KCNJ15: variants seen among roughly 807,000 people sequenced by gnomAD.
KCNJ15 encodes the protein potassium inwardly rectifying channel subfamily J member 15.
In KCNJ15, 14 loss-of-function variants were observed where a neutral mutation model predicts 23.0. The observed-to-expected ratio is 0.61, with a 90% CI of 0.40 to 0.95. The LOEUF is 0.95. Ranked by LOEUF, KCNJ15 falls within the 40% of genes least tolerant of loss-of-function variation. The pLI is 0.00. For synonymous variants in KCNJ15, 185 were observed against 183.2 expected (o/e 1.01, Z -0.08); for missense variants, 388 against 461.8 (o/e 0.84, Z 1.46).
chr21:38,297,508 G>A (rs1985283815), intron 2 of KCNJ15, among the ~76,000 whole-genome samples: 1 of 152,216 alleles, frequency 6.6e-6, no homozygotes, highest in Non-Finnish European at 1.5e-5. Context: ...TAAAAAAAAT[G>A]CATGCAGTCA....
At chr21:38,271,292 T>A (rs992733648) in intron 1 of KCNJ15, among the ~76,000 whole-genome samples, 7 of 152,284 alleles carry the variant, frequency 4.6e-5, no homozygotes, top group African/African-American at 1.7e-4. Context: ...AAACTGAAGC[T>A]CGGAGGGGCT....
At position 38,246,819 on chromosome 21, in the gene KCNJ15, C is replaced by T. The variant is rs543765956; in HGVS notation, c.-398-10227C>T. On this transcript the variant is annotated intron_variant, in intron 1 of 4. Coordinates refer to the KCNJ15 transcript ENST00000547341. ...TCTATCAGACTGGTAATACCAATCT[C>T]ACTCTGCAAATTTAACATCAGGGAT... Among the ~76,000 whole-genome samples the T allele has an allele frequency of 1.2e-4, 18 of 152,302 alleles. 1 individual carries two copies. The South Asian group carries it at 3.7e-3, about 32-fold the overall frequency.
chr21:38,252,280 GC>G (rs896551810), upstream of KCNJ15, among the ~76,000 whole-genome samples: 4 of 152,124 alleles, frequency 2.6e-5, no homozygotes, highest in Non-Finnish European at 4.4e-5. Context: ...AATCTTGTGG[GC>G]TGCACTCAAT....
intron 1 of KCNJ15, among the ~76,000 whole-genome samples, chr21:38,294,060 C>G (rs905258718): frequency 6.6e-5 from 10 of 152,200 alleles, no homozygotes; most frequent in African/African-American, 2.4e-4. Flanking sequence ...AGAGCTAAGC[C>G]TTTATTCTCA....
chr21:38,264,972 G>C (rs1284802116), intron 1 of KCNJ15, among the ~76,000 whole-genome samples: 3 of 152,232 alleles, frequency 2.0e-5, no homozygotes, highest in Non-Finnish European at 4.4e-5. Context: ...GTGTGGGCTG[G>C]AAGTCTGATT....
At position 38,299,162 on chromosome 21, in the gene KCNJ15, T is replaced by A; in HGVS notation, c.-18-82T>A. ...TCTTGTGTACTTCCATGTACATTCATACTTACTTCACATGATGATTCTATT... is the reference window on the plus strand; with the variant it reads ...TCTTGTGTACTTCCATGTACATTCAAACTTACTTCACATGATGATTCTATT... On this transcript the variant is annotated intron_variant, in intron 2 of 2. Transcript: ENST00000398938. This position sits in a 1 kb window ranked among gnomAD's most constrained non-coding sequence, Gnocchi z 4.5. The A allele has an allele frequency of 1.9e-6, 2 of 1,060,998 alleles. No homozygotes were observed. The highest frequency in any genetic ancestry group is 2.8e-6 in the Non-Finnish European group (2 of 717,088). 65.7% of individuals were successfully genotyped at this position (1,060,998 alleles called of 1,614,324 possible). A position where few individuals can be genotyped will look rare whatever the true frequency, so the allele number is the denominator to read the frequency against.
chr21:38,231,572 G>A (rs1193207045), intron 1 of KCNJ15, among the ~76,000 whole-genome samples: 1 of 151,852 alleles, frequency 6.6e-6, no homozygotes, highest in Non-Finnish European at 1.5e-5. Flanking sequence ...TATGAGCTGA[G>A]ATTTTGTATT....
chr21:38,268,270 C>T (rs1453982180), intron 1 of KCNJ15, among the ~76,000 whole-genome samples: 1 of 152,036 alleles, frequency 6.6e-6, no homozygotes, highest in Non-Finnish European at 1.5e-5. Context: ...CAGTTTTCTT[C>T]AGAACAATCG....
intron 1 of KCNJ15, among the ~76,000 whole-genome samples, chr21:38,231,337 A>G (rs1988735947): frequency 1.3e-5 from 2 of 151,992 alleles, no homozygotes; most frequent in East Asian, 1.9e-4. Flanking sequence ...CTAATTATTA[A>G]TAGTAGATTA....
At chr21:38,254,505 G>A (rs1318105620), upstream of KCNJ15, among the ~76,000 whole-genome samples, 2 of 152,164 alleles carry the variant, frequency 1.3e-5, no homozygotes, top group South Asian at 2.1e-4. Context: ...GCTCCACTGT[G>A]TATGGTCCTG....
intron 1 of KCNJ15, among the ~76,000 whole-genome samples, chr21:38,274,167 T>C (rs544682454): frequency 4.6e-5 from 7 of 152,340 alleles, no homozygotes; most frequent in East Asian, 1.9e-4. Flanking sequence ...GGCAAAGTCA[T>C]GTTAGGTGTA....
intron 1 of KCNJ15, among the ~76,000 whole-genome samples, chr21:38,234,731 C>T (rs571530708): frequency 2.0e-5 from 3 of 152,222 alleles, no homozygotes; most frequent in African/African-American, 4.8e-5. Context: ...CTTATATAAA[C>T]ACTTCAACAA....
intron 1 of KCNJ15, among the ~76,000 whole-genome samples, chr21:38,243,115 A>G (rs1363958270): frequency 1.3e-5 from 2 of 152,074 alleles, no homozygotes; most frequent in Admixed American, 6.5e-5. Flanking sequence ...CCACGTTTTT[A>G]GAAAGTTAAG....
chr21:38,243,435 G>A (rs147642294), intron 1 of KCNJ15, among the ~76,000 whole-genome samples: 5 of 144,098 alleles, frequency 3.5e-5, no homozygotes, highest in African/African-American at 1.4e-4. Flanking sequence ...TGAGTTTCGC[G>A]GCCATACTTT....
At chr21:38,292,305 G>A (rs894036361) in intron 1 of KCNJ15, among the ~76,000 whole-genome samples, 5 of 152,158 alleles carry the variant, frequency 3.3e-5, no homozygotes, top group African/African-American at 1.2e-4. Flanking sequence ...AAAAGTGCCT[G>A]GACCCTTTTA....
Position 38,299,955 on chromosome 21 carries a change from C to G in KCNJ15, c.694C>G (p.Gln232Glu). ...TKEGERILLN[Q>E]ATVKFHVDSS... is the part of the protein sequence containing the mutation. ...GGAGGGGGAGCGGATTCTCCTCAAC[C>G]AAGCCACTGTCAAATTCCACGTGGA... The change falls in exon 3 of 3, where the codon CAA becomes GAA. Residue 232 changes from glutamine to glutamate, a missense_variant. By Grantham distance (29) the Gln-to-Glu change is conservative. Coordinates refer to ENST00000398938, the MANE Select transcript of KCNJ15 (RefSeq NM_170736.3). This position sits in a 1 kb window ranked among gnomAD's most constrained non-coding sequence, Gnocchi z 4.5. 1 of 1,614,032 alleles carries G rather than the reference C, an allele frequency of 6.2e-7. No homozygotes were observed. Among genetic ancestry groups the G allele is most frequent in the Non-Finnish European group, 8.5e-7 (1 of 1,179,986 alleles).
At chr21:38,231,745 A>G (rs149246493) in intron 1 of KCNJ15, among the ~76,000 whole-genome samples, 21 of 151,660 alleles carry the variant, frequency 1.4e-4, no homozygotes, top group Admixed American at 1.1e-3. Context: ...TCTTCTTTCT[A>G]TTGATATGGG....
intron 1 of KCNJ15, chr21:38,291,573 T>C (rs1377869670): frequency 6.6e-6 from 1 of 152,226 alleles, no homozygotes; most frequent in African/African-American, 2.4e-5. Flanking sequence ...GACAATCTAA[T>C]TTCTTGGCTT....
Position 38,300,035 on chromosome 21 carries a change from G to A in KCNJ15, c.774G>A (p.Leu258=), listed in dbSNP as rs753794382. The A allele has an allele frequency of 6.8e-6, 11 of 1,613,938 alleles. No individual in the cohort carries two copies. The highest frequency in any genetic ancestry group is 8.5e-6 in the Non-Finnish European group (10 of 1,180,020). ...LILPMTFYHV[L]DETSPLRDLT... The stretch of plus-strand genomic sequence containing the variant: ...TGCCCATGACATTCTACCATGTGCT[G>A]GATGAGACGAGCCCCCTGAGAGACC... Residue 258 remains leucine (L), a synonymous_variant, in exon 3 of 3, where the codon CTG becomes CTA. Coordinates refer to ENST00000398938, the MANE Select transcript of KCNJ15 (RefSeq NM_170736.3).
Sources: allele counts gnomAD v4.1 joint callset (sites outside exome capture counted in the v4.1 genomes callset), GRCh38; gene constraint gnomAD v4.1.1; non-coding constraint Gnocchi (gnomAD v3.1); transcripts MANE v1.5; gene names NCBI Gene and HGNC (gene_info 2026-07-23, HGNC 2026-07-21).